NTRK3: variants seen among roughly 807,000 people sequenced by gnomAD.
NTRK3 encodes the protein neurotrophic receptor tyrosine kinase 3.
NTRK3 carries 24 observed loss-of-function variants against 91.7 expected under a neutral mutation model. The observed-to-expected ratio is 0.26, with a 90% CI of 0.19 to 0.37. NTRK3 has a LOEUF of 0.37. Among genes scored for constraint, NTRK3 ranks in the 10% least tolerant of loss-of-function variants. The pLI is 1.00. For missense variants in NTRK3, 880 were observed against 1,068.9 expected (o/e 0.82, Z 2.46); for synonymous variants, 483 against 404.0 (o/e 1.20, Z -2.34).
chr15:87,991,205 C>T (rs2075262582), intron 14 of NTRK3, among the ~76,000 whole-genome samples: 1 of 152,076 alleles, frequency 6.6e-6, no homozygotes, highest in South Asian at 2.1e-4. Flanking sequence ...TTCACTGGTC[C>T]CTATGCTAGT....
chr15:87,974,045 G>T (rs1011016991), intron 14 of NTRK3, among the ~76,000 whole-genome samples: 2 of 152,096 alleles, frequency 1.3e-5, no homozygotes, highest in African/African-American at 2.4e-5. Context: ...GAGCTTTCCC[G>T]CGGCATCCAA....
At chr15:87,897,366 T>C (rs975569217) in intron 17 of NTRK3, among the ~76,000 whole-genome samples, 2 of 152,232 alleles carry the variant, frequency 1.3e-5, no homozygotes, top group African/African-American at 4.8e-5. Context: ...AGCAATGTAT[T>C]TTTTAATAGA....
intron 13 of NTRK3, among the ~76,000 whole-genome samples, chr15:88,059,408 T>G (rs1265316861): frequency 6.6e-6 from 1 of 152,178 alleles, no homozygotes; most frequent in Non-Finnish European, 1.5e-5. Flanking sequence ...GTTCATTTCA[T>G]TGTTGCTCCT....
intron 3 of NTRK3, among the ~76,000 whole-genome samples, chr15:88,191,418 C>T (rs561854705): frequency 1.3e-5 from 2 of 152,160 alleles, no homozygotes; most frequent in African/African-American, 4.8e-5. Flanking sequence ...GAAATCCTGG[C>T]CTCAAGCAAT....
At chr15:87,940,462 T>C (rs541750391) in intron 15 of NTRK3, among the ~76,000 whole-genome samples, 161 bp downstream of exon 15, 3 of 152,326 alleles carry the variant, frequency 2.0e-5, no homozygotes, top group South Asian at 4.1e-4. Flanking sequence ...GGAAGTTGTT[T>C]TGGTCCCTAG....
chr15:88,117,350 A>T (rs1310371157), intron 13 of NTRK3, among the ~76,000 whole-genome samples: 1 of 152,204 alleles, frequency 6.6e-6, no homozygotes, highest in African/African-American at 2.4e-5. Context: ...TAGGTACTCA[A>T]TGAATGTTTG....
chr15:87,982,558 T>C (rs2074380445), intron 14 of NTRK3, among the ~76,000 whole-genome samples: 1 of 152,206 alleles, frequency 6.6e-6, no homozygotes, highest in African/African-American at 2.4e-5. Flanking sequence ...TCTTCAGGGA[T>C]CTTCTAAGAA....
intron 14 of NTRK3, among the ~76,000 whole-genome samples, chr15:87,965,762 A>G (rs913375200): frequency 6.6e-5 from 10 of 152,214 alleles, no homozygotes; most frequent in African/African-American, 4.8e-5. Context: ...CTGCAGATCA[A>G]TATCATGATT....
chr15:88,194,460 A>G (rs2047656899), intron 3 of NTRK3, among the ~76,000 whole-genome samples: 1 of 152,234 alleles, frequency 6.6e-6, no homozygotes, highest in Admixed American at 6.5e-5. Flanking sequence ...TCTCCATATC[A>G]ATAAATGACA....
chr15:87,878,378 C>T (rs940613171), intron 18 of NTRK3, among the ~76,000 whole-genome samples: 4 of 152,188 alleles, frequency 2.6e-5, no homozygotes, highest in African/African-American at 9.7e-5. Flanking sequence ...GAGGGCTGGT[C>T]AAACCATCAC....
chr15:88,013,317 A>T (rs2077013032), intron 14 of NTRK3, among the ~76,000 whole-genome samples: 1 of 152,240 alleles, frequency 6.6e-6, no homozygotes. Context: ...GAACTGTGGA[A>T]AAAAGGAACA....
chr15:88,202,072 G>T (rs1008342958), intron 3 of NTRK3, among the ~76,000 whole-genome samples: 3 of 151,956 alleles, frequency 2.0e-5, no homozygotes, highest in South Asian at 2.1e-4. Flanking sequence ...AGAAGGTCAG[G>T]GTTCCACAGA....
chr15:87,870,326 T>G lies in NTRK3; in HGVS notation c.*6609A>C, dbSNP rs2064794296. On this transcript the variant is annotated 3_prime_UTR_variant, in exon 19 of 19. Transcript: ENST00000394480. Reference sequence around the variant, plus strand: ...GAGACCACTATTCTAAGTGAAGCAATTCAGGAATAGAAAACCAAACATCGT... The same window carrying G: ...GAGACCACTATTCTAAGTGAAGCAAGTCAGGAATAGAAAACCAAACATCGT... 5 of 192,772 alleles carry G rather than the reference T, an allele frequency of 2.6e-5. No individual in the cohort carries two copies. The East Asian group carries it at 4.0e-4, about 16-fold the overall frequency. The allele number at this position is 192,772 out of a possible 1,614,324, so 11.9% of individuals were successfully genotyped here.
chr15:87,886,578 C>A (rs1041284336), intron 17 of NTRK3, among the ~76,000 whole-genome samples: 4 of 149,896 alleles, frequency 2.7e-5, no homozygotes, highest in African/African-American at 9.8e-5. Context: ...TACCATGTAA[C>A]CTTGAAAATG....
exon 19 of NTRK3, chr15:87,860,095 G>A (rs1240822002): frequency 4.7e-6 from 1 of 213,688 alleles, no homozygotes; most frequent in East Asian, 6.9e-5. Context: ...TGAAAGTGAA[G>A]AATGGTTGAT....
chr15:88,109,647 G>A (rs1029874283), intron 13 of NTRK3, among the ~76,000 whole-genome samples: 1 of 152,172 alleles, frequency 6.6e-6, no homozygotes, highest in Admixed American at 6.5e-5. Context: ...CTGGGCGGGG[G>A]GCGTTGGGAA....
intron 5 of NTRK3, among the ~76,000 whole-genome samples, chr15:88,165,096 T>C (rs1354672263): frequency 6.6e-6 from 1 of 152,100 alleles, no homozygotes; most frequent in Non-Finnish European, 1.5e-5. Flanking sequence ...GAGGAGGCCA[T>C]AGAGACAATG....
chr15:87,959,918 T>C (rs192186764), intron 14 of NTRK3, among the ~76,000 whole-genome samples: 2 of 152,300 alleles, frequency 1.3e-5, no homozygotes, highest in East Asian at 1.9e-4. Context: ...GGCCACCAAG[T>C]TGAATTCTCA....
exon 19 of NTRK3, chr15:87,865,368 C>G (rs2064639178): frequency 4.7e-6 from 1 of 211,956 alleles, no homozygotes; most frequent in South Asian, 1.9e-4. Context: ...TGACAGAATA[C>G]TGTGACTTTG....
Sources: allele counts gnomAD v4.1 joint callset (sites outside exome capture counted in the v4.1 genomes callset), GRCh38; gene constraint gnomAD v4.1.1; transcripts MANE v1.5; gene names NCBI Gene and HGNC (gene_info 2026-07-23, HGNC 2026-07-21).